Variants in SAMD5 observed in about 807,000 individuals in gnomAD.
The protein encoded by SAMD5 is sterile alpha motif domain-containing protein 5.
Under a neutral mutation model 11.3 loss-of-function variants are expected in SAMD5, and 13 were observed. That is an observed-to-expected ratio of 1.15 (90% confidence interval 0.75 to 1.83). The LOEUF (loss-of-function observed/expected upper bound fraction) is 1.83, where lower values mean the gene tolerates loss of function less well. Ranked by LOEUF, SAMD5 falls within the 40% of genes most tolerant of loss-of-function variation. The probability of loss-of-function intolerance (pLI) is 0.00; values close to 1 mark genes in which losing one functional copy is unlikely to be tolerated. For synonymous variants in SAMD5, 129 were observed against 111.3 expected (o/e 1.16, Z -1.00); for missense variants, 255 against 239.1 (o/e 1.07, Z -0.44).
the SAMD5 span, among the ~76,000 whole-genome samples, chr6:147,743,004 A>G: frequency 1.3e-5 from 2 of 152,322 alleles, 1 homozygote; most frequent in South Asian, 4.1e-4. Context: ...TTGCTGTATT[A>G]CTGTAAAACT....
At chr6:147,545,270 A>T (rs1276833162) in intron 1 of SAMD5, among the ~76,000 whole-genome samples, 3 of 152,256 alleles carry the variant, frequency 2.0e-5, no homozygotes, top group East Asian at 3.8e-4. Context: ...TGAAGCAGAC[A>T]TTAGATTAAT....
At chr6:147,615,395 T>C (rs1305946550) in intron 1 of SAMD5, among the ~76,000 whole-genome samples, 1 of 152,224 alleles carries the variant, frequency 6.6e-6, no homozygotes, top group East Asian at 1.9e-4. Context: ...AATTTAAGAT[T>C]AGATTCAATA....
At chr6:147,779,017 C>T in the SAMD5 span, among the ~76,000 whole-genome samples, 2 of 150,196 alleles carry the variant, frequency 1.3e-5, no homozygotes, top group African/African-American at 4.9e-5. Flanking sequence ...ATAAATCCTA[C>T]CTCATCATGT....
chr6:147,912,763 C>G, the SAMD5 span, among the ~76,000 whole-genome samples: 531 of 151,960 alleles, frequency 3.5e-3, 2 homozygotes, highest in African/African-American at 0.012. Flanking sequence ...AGAATGATCA[C>G]CAGGAACGGA....
intron 1 of SAMD5, among the ~76,000 whole-genome samples, chr6:147,556,104 T>A (rs919299925): frequency 3.3e-5 from 5 of 152,180 alleles, no homozygotes; most frequent in Non-Finnish European, 5.9e-5. Flanking sequence ...ATTATTTTTT[T>A]TTTTTTGAGA....
chr6:147,791,506 A>G, the SAMD5 span, among the ~76,000 whole-genome samples: 1 of 152,100 alleles, frequency 6.6e-6, no homozygotes, highest in South Asian at 2.1e-4. Flanking sequence ...CTATTTCTTT[A>G]TGAATACAGC....
intron 1 of SAMD5, among the ~76,000 whole-genome samples, chr6:147,525,221 T>G (rs1401091567): frequency 6.7e-6 from 1 of 149,334 alleles, no homozygotes; most frequent in Non-Finnish European, 1.5e-5. Flanking sequence ...GCTCAATCAG[T>G]AGGGTTTACA....
chr6:147,573,737 A>T (rs564322119), downstream of SAMD5, among the ~76,000 whole-genome samples: 2 of 152,218 alleles, frequency 1.3e-5, no homozygotes, highest in Non-Finnish European at 2.9e-5. Context: ...TCCTTACTAC[A>T]TATCAGCTGG....
chr6:147,703,211 GT>G (rs1791280125), intron 1 of SAMD5, among the ~76,000 whole-genome samples: 1 of 152,054 alleles, frequency 6.6e-6, no homozygotes, highest in Non-Finnish European at 1.5e-5. Flanking sequence ...AGGATTACAG[GT>G]GCCTGCCACC....
chr6:147,907,403 C>T, the SAMD5 span, among the ~76,000 whole-genome samples: 1 of 152,028 alleles, frequency 6.6e-6, no homozygotes, highest in African/African-American at 2.4e-5. Flanking sequence ...AAAAGTGTCC[C>T]CCATATTATT....
At chr6:147,746,836 G>A in the SAMD5 span, among the ~76,000 whole-genome samples, 1 of 152,184 alleles carries the variant, frequency 6.6e-6, no homozygotes, top group African/African-American at 2.4e-5. Flanking sequence ...TCACTAGGCG[G>A]CAGCCTGGAT....
chr6:147,793,255 T>C, the SAMD5 span, among the ~76,000 whole-genome samples: 1,933 of 152,216 alleles, frequency 0.013, 49 homozygotes, highest in African/African-American at 0.043. Context: ...TAATCTCAGT[T>C]TAACCATGAG....
At chr6:147,674,393 C>G (rs1259975137) in intron 1 of SAMD5, among the ~76,000 whole-genome samples, 1 of 152,154 alleles carries the variant, frequency 6.6e-6, no homozygotes, top group Non-Finnish European at 1.5e-5. Flanking sequence ...CCCTTTCCCA[C>G]CCAGTAACAC....
chr6:147,704,080 A>G (rs1311657779), intron 1 of SAMD5, among the ~76,000 whole-genome samples: 1 of 151,962 alleles, frequency 6.6e-6, no homozygotes, highest in Non-Finnish European at 1.5e-5. Context: ...TATTTTTAGT[A>G]GAGATGGGGT....
intron 1 of SAMD5, among the ~76,000 whole-genome samples, chr6:147,610,155 G>C (rs780098763): frequency 1.3e-5 from 2 of 152,112 alleles, no homozygotes; most frequent in Admixed American, 1.3e-4. Flanking sequence ...TACACTGTGC[G>C]TGTTCAGGTT....
At chr6:147,951,200 T>TTTA in the SAMD5 span, among the ~76,000 whole-genome samples, 1 of 151,522 alleles carries the variant, frequency 6.6e-6, no homozygotes, top group Admixed American at 6.6e-5. Context: ...TTTTTTTTTT[T>TTTA]ATGACGGAGT....
At chr6:147,866,106 C>A in the SAMD5 span, among the ~76,000 whole-genome samples, 2 of 135,922 alleles carry the variant, frequency 1.5e-5, no homozygotes, top group African/African-American at 5.5e-5. Context: ...TCTTAGTGAG[C>A]TGAAATTTTT....
At chr6:147,699,885 G>C (rs1049631481) in intron 1 of SAMD5, among the ~76,000 whole-genome samples, 1 of 152,180 alleles carries the variant, frequency 6.6e-6, no homozygotes, top group African/African-American at 2.4e-5. Flanking sequence ...TGTGTTATCT[G>C]TGTTTGACTA....
intron 1 of SAMD5, among the ~76,000 whole-genome samples, chr6:147,554,053 G>T (rs1186716425): frequency 3.3e-5 from 5 of 152,140 alleles, no homozygotes; most frequent in Non-Finnish European, 7.3e-5. Context: ...GAACTGCAGG[G>T]CTGGGGAGGC....
Sources: gnomAD v4.1 joint callset for allele counts (sites outside exome capture counted in the v4.1 genomes callset) on GRCh38, gnomAD v4.1.1 for gene constraint, MANE v1.5 for transcripts, NCBI Gene and HGNC (gene_info 2026-07-23, HGNC 2026-07-21) for gene names.